The following CTNNA2 variants were observed in gnomAD, a reference collection of about 807,000 sequenced individuals.
CTNNA2 encodes catenin alpha 2.
CTNNA2 carries 42 observed loss-of-function variants against 101.0 expected under a neutral mutation model. The ratio of observed to expected loss-of-function variants is 0.42; its 90% CI spans 0.32 to 0.54. The LOEUF is 0.54. CTNNA2 is among the 20% of genes least tolerant of loss of function. CTNNA2 has a pLI of 0.14. For synonymous variants in CTNNA2, 450 were observed against 456.4 expected (o/e 0.99, Z 0.18); for missense variants, 871 against 1,223.1 (o/e 0.71, Z 4.29).
chr2:79,869,724 T>C, intron 4 of CTNNA2, 92 bp from the exon 5 acceptor site: 4 of 1,503,818 alleles, frequency 2.7e-6, no homozygotes, highest in Non-Finnish European at 3.5e-6. Context: ...TACTAGTGTT[T>C]TAGAGTTTTT....
At chr2:80,594,121 T>G (rs1476232860) in intron 15 of CTNNA2, among the ~76,000 whole-genome samples, 1 of 152,130 alleles carries the variant, frequency 6.6e-6, no homozygotes, top group Non-Finnish European at 1.5e-5. Context: ...TTTTCCACAA[T>G]GGTCAAATTT....
chr2:80,572,745 C>T (rs890257095), intron 12 of CTNNA2: 1 of 151,998 alleles, frequency 6.6e-6, no homozygotes, highest in Non-Finnish European at 1.5e-5. Flanking sequence ...TAATATTTCC[C>T]AAATTCTTTT....
chr2:80,061,231 A>G (rs191205096), intron 7 of CTNNA2, among the ~76,000 whole-genome samples: 17 of 152,354 alleles, frequency 1.1e-4, no homozygotes, highest in Non-Finnish European at 1.5e-5. Context: ...AAAATGCTCA[A>G]GTTAATGAAG....
intron 3 of CTNNA2, among the ~76,000 whole-genome samples, chr2:79,777,887 A>G (rs1226805990): frequency 1.4e-5 from 2 of 141,928 alleles, no homozygotes; most frequent in Non-Finnish European, 3.0e-5. Context: ...ATTTATTTGC[A>G]TGGGGTTTTT....
intron 18 of CTNNA2, among the ~76,000 whole-genome samples, chr2:80,638,031 T>C (rs1673062001): frequency 6.6e-6 from 1 of 152,192 alleles, no homozygotes; most frequent in Admixed American, 6.5e-5. Flanking sequence ...AACATATTTC[T>C]CATGGGTTCC....
chr2:79,589,970 C>T (rs1452527903), intron 1 of CTNNA2, among the ~76,000 whole-genome samples: 1 of 152,206 alleles, frequency 6.6e-6, no homozygotes, highest in African/African-American at 2.4e-5. Context: ...AATGATTTTA[C>T]TGTTGATGAC....
intron 1 of CTNNA2, among the ~76,000 whole-genome samples, chr2:79,566,328 C>T (rs1675109771): frequency 6.6e-6 from 1 of 152,074 alleles, no homozygotes; most frequent in Admixed American, 6.6e-5. Context: ...AAGACCTTTC[C>T]CATGTTGCAG....
chr2:79,253,018 G>A (rs1674793490), intron 2 of CTNNA2, among the ~76,000 whole-genome samples: 1 of 152,120 alleles, frequency 6.6e-6, no homozygotes, highest in African/African-American at 2.4e-5. Flanking sequence ...TTTCCTTAGT[G>A]CCACTGTCAT....
intron 4 of CTNNA2, among the ~76,000 whole-genome samples, chr2:79,474,219 G>A (rs1385573195): frequency 4.6e-5 from 7 of 152,084 alleles, no homozygotes; most frequent in Admixed American, 1.3e-4. Flanking sequence ...AGCTTTATAC[G>A]TAATCAGGGA....
chr2:80,214,101 T>C (rs1004244882), intron 7 of CTNNA2, among the ~76,000 whole-genome samples: 1 of 152,152 alleles, frequency 6.6e-6, no homozygotes, highest in Non-Finnish European at 1.5e-5. Context: ...TTTGAGCCTA[T>C]GTGTCTCTGC....
Position 80,481,393 on chromosome 2 carries a change from G to A in CTNNA2, c.1290+61792G>A, listed in dbSNP as rs1465714143. The stretch of plus-strand genomic sequence containing the variant: ...ATAATAGTACCTGCTTCATAGGGTT[G>A]TTGTTAAGGGAACTAATTAGATAAT... On this transcript the variant is annotated intron_variant, in intron 9 of 18. Transcript: ENST00000402739. Among the ~76,000 whole-genome samples, 6 of 152,052 alleles carry A rather than the reference G, an allele frequency of 3.9e-5. 1 individual carries two copies. Among genetic ancestry groups the A allele is most frequent in the Admixed American group, 1.3e-4 (2 of 15,248 alleles).
intron 7 of CTNNA2, among the ~76,000 whole-genome samples, chr2:80,230,650 T>A (rs1709156969): frequency 6.6e-6 from 1 of 152,108 alleles, no homozygotes; most frequent in African/African-American, 2.4e-5. Context: ...AGAAGAGATG[T>A]TTTCACTCTT....
chr2:80,609,589 C>T lies in CTNNA2; in HGVS notation c.2430+1271C>T, dbSNP rs1698295021. Among the ~76,000 whole-genome samples, 5 of 151,710 alleles carry T rather than the reference C, an allele frequency of 3.3e-5. No individual in the cohort carries two copies. In the South Asian group the frequency reaches 1.0e-3, roughly 31 times the overall value. ...GCTGGTAATTACCAAGATTCTCTCG[C>T]CAAGAAGTGATCAAATCATTGCATC... On this transcript the variant is annotated intron_variant, in intron 17 of 18. Transcript: ENST00000402739.
chr2:79,723,408 G>A (rs1343098832), intron 2 of CTNNA2, among the ~76,000 whole-genome samples: 2 of 152,174 alleles, frequency 1.3e-5, no homozygotes, highest in Non-Finnish European at 2.9e-5. Flanking sequence ...GTTAAAACAT[G>A]CTTGATACAT....
chr2:80,584,024 G>A (rs1695760082), intron 14 of CTNNA2, among the ~76,000 whole-genome samples: 1 of 152,120 alleles, frequency 6.6e-6, no homozygotes, highest in African/African-American at 2.4e-5. Context: ...ATTTTAGCCT[G>A]TAATTATATG....
chr2:79,190,682 G>A (rs991580500), intron 1 of CTNNA2, among the ~76,000 whole-genome samples: 1 of 152,140 alleles, frequency 6.6e-6, no homozygotes, highest in Admixed American at 6.5e-5. Flanking sequence ...GTGGGAAAAT[G>A]ATGGCTTGAC....
intron 9 of CTNNA2, among the ~76,000 whole-genome samples, chr2:80,455,773 A>G (rs1056257948): frequency 2.0e-5 from 3 of 152,228 alleles, no homozygotes; most frequent in African/African-American, 7.2e-5. Context: ...ACCATTGAGC[A>G]GGGAGTCTCT....
At chr2:80,015,422 G>A (rs1032033938) in intron 7 of CTNNA2, among the ~76,000 whole-genome samples, 1 of 152,092 alleles carries the variant, frequency 6.6e-6, no homozygotes, top group African/African-American at 2.4e-5. Flanking sequence ...CCATCAGATC[G>A]CTGATCCTAA....
intron 9 of CTNNA2, among the ~76,000 whole-genome samples, chr2:80,516,645 C>G (rs550736257): frequency 2.0e-5 from 3 of 152,292 alleles, no homozygotes; most frequent in Admixed American, 2.0e-4. Flanking sequence ...GAAAACTATT[C>G]ATCTTAATGC....
Sources: gnomAD v4.1 joint callset for allele counts (sites outside exome capture counted in the v4.1 genomes callset) on GRCh38, gnomAD v4.1.1 for gene constraint, MANE v1.5 for transcripts, NCBI Gene and HGNC (gene_info 2026-07-23, HGNC 2026-07-21) for gene names.